FNDC7: variants seen among roughly 807,000 people sequenced by gnomAD.
FNDC7 encodes fibronectin type III domain-containing protein 7.
Under a neutral mutation model 74.2 loss-of-function variants are expected in FNDC7, and 66 were observed. That is an observed-to-expected ratio of 0.89 (90% CI 0.73 to 1.09). The LOEUF (loss-of-function observed/expected upper bound fraction) is 1.09, where lower values mean the gene tolerates loss of function less well. FNDC7 is among the 50% of genes least tolerant of loss of function. The probability of loss-of-function intolerance (pLI) is 0.00; values close to 1 mark genes in which losing one functional copy is unlikely to be tolerated. For missense variants in FNDC7, 829 were observed against 893.4 expected, an observed-to-expected ratio of 0.93 and a Z score of 0.92; for synonymous variants, 307 against 330.2, an observed-to-expected ratio of 0.93 and a Z score of 0.76.
At chr1:108,732,600 A>G (rs1442496872) in intron 9 of FNDC7, among the ~76,000 whole-genome samples, 6 of 152,182 alleles carry the variant, frequency 3.9e-5, no homozygotes, top group African/African-American at 1.2e-4. Context: ...AATCATGTAC[A>G]ATATGTATCT....
Position 108,717,994 on chromosome 1 carries a change from G to GA in FNDC7, c.301dup (p.Arg101LysfsTer92). On this transcript the variant is annotated frameshift_variant, in exon 3 of 13. Coordinates refer to ENST00000370017, the MANE Select transcript of FNDC7 (RefSeq NM_001144937.3). LOFTEE classifies it high-confidence loss of function. ...CCATCAGATCCATCAGCGCTGCTGG[G>GA]AGAAGCCAGGCGTCACCTCCAAAGC... 6.4e-7 allele frequency: 1 copy of GA among 1,551,742 alleles called. No individual in the cohort carries two copies. The highest frequency in any genetic ancestry group is 8.7e-7 in the Non-Finnish European group (1 of 1,147,012).
chr1:108,733,539 C>G lies in FNDC7; in HGVS notation c.2140+7C>G, dbSNP rs768153661. The G allele has an allele frequency of 6.2e-7, 1 of 1,609,106 alleles. No homozygotes were observed. The highest frequency in any genetic ancestry group is 1.3e-5 in the African/African-American group (1 of 74,830). On this transcript the variant is annotated splice_region_variant and intron_variant, in intron 10 of 12. Transcript: ENST00000370017. ...CCAAAAAAAATATATTCAGGTAAAG[C>G]AAGTTATGACAGTTTATCTAAAACT...
At chr1:108,714,842 C>T (rs2101075302) in intron 2 of FNDC7, among the ~76,000 whole-genome samples, 1 of 152,112 alleles carries the variant, frequency 6.6e-6, no homozygotes, top group African/African-American at 2.4e-5. Context: ...ATCCGCCCGC[C>T]TCGGCCTCCC....
At chr1:108,737,435 C>A in intron 10 of FNDC7, 60 bp from the exon 11 acceptor site, 2 of 1,397,942 alleles carry the variant, frequency 1.4e-6, no homozygotes, top group South Asian at 2.6e-5. Context: ...GTTAAATCTT[C>A]ACTATCTTAA....
intron 2 of FNDC7, among the ~76,000 whole-genome samples, chr1:108,715,669 G>GCACACACA (rs113717600): frequency 7.4e-6 from 1 of 135,852 alleles, no homozygotes; most frequent in African/African-American, 2.6e-5. Context: ...GCGTGCGCGC[G>GCACACACA]CGCACACACA....
intron 6 of FNDC7, among the ~76,000 whole-genome samples, 196 bp from the exon 7 acceptor site, chr1:108,727,612 A>G (rs576943769): frequency 1.3e-4 from 20 of 152,112 alleles, no homozygotes; most frequent in Admixed American, 1.2e-3. Context: ...ATGACCTTCA[A>G]TGTCATGCTG....
At chr1:108,734,461 C>G (rs1661463152) in intron 10 of FNDC7, 1 of 151,996 alleles carries the variant, frequency 6.6e-6, no homozygotes, top group African/African-American at 2.4e-5. Flanking sequence ...TCATGTATTC[C>G]TAGAAGAAAA....
chr1:108,730,568 T>C (rs1557791523), intron 8 of FNDC7, 106 bp from the exon 9 acceptor site: 2 of 1,265,636 alleles, frequency 1.6e-6, no homozygotes, highest in East Asian at 2.4e-5. Context: ...TTGGGGAATG[T>C]AGGATATTGA....
At chr1:108,736,140 A>G (rs1661509166) in intron 10 of FNDC7, among the ~76,000 whole-genome samples, 1 of 152,122 alleles carries the variant, frequency 6.6e-6, no homozygotes, top group East Asian at 1.9e-4. Context: ...ATTCCACAAC[A>G]TCCGTCCTGA....
rs1660986159 is a variant in FNDC7 at position 108,716,872 on chromosome 1, C to T, written c.83-905C>T. On this transcript the variant is annotated intron_variant, in intron 2 of 12. Transcript: ENST00000370017. ...AACCTGAAAGTCCAAGTGCCAGTTT[C>T]AAATAAAACTCAGCTATTTTTGTTT... Among the ~76,000 whole-genome samples the T allele has an allele frequency of 2.0e-5, 3 of 152,236 alleles. No homozygotes were observed. In the South Asian group the frequency reaches 6.2e-4, roughly 32 times the overall value.
intron 4 of FNDC7, among the ~76,000 whole-genome samples, chr1:108,721,401 G>A (rs574318621): frequency 1.3e-5 from 2 of 152,244 alleles, no homozygotes; most frequent in South Asian, 2.1e-4. Flanking sequence ...CCCCGGAGGC[G>A]GAGTTTGCAG....
rs1432045727 is a variant in FNDC7 at position 108,718,999 on chromosome 1, G to A, written c.548G>A (p.Trp183Ter). The stretch of plus-strand genomic sequence containing the variant: ...CTCTACACCATAAAGGCCTATGCAT[G>A]GAATGCCAACAGAATCCCTGGGGAT... ...GTLYTIKAYA[W>*]NANRIPGDDS... Residue 183 changes from tryptophan to a stop codon, truncating the protein, a stop_gained, in exon 4 of 13, where the codon TGG becomes TAG. Transcript: ENST00000370017. LOFTEE classifies it high-confidence loss of function. The A allele has an allele frequency of 1.9e-6, 3 of 1,552,030 alleles. No homozygotes were observed. The highest frequency in any genetic ancestry group is 1.4e-5 in the African/African-American group (1 of 73,034).
chr1:108,737,444 A>T, intron 10 of FNDC7, 51 bp from the exon 11 acceptor site: 1 of 1,462,762 alleles, frequency 6.8e-7, no homozygotes. Flanking sequence ...TCACTATCTT[A>T]AATACATAAA....
intron 5 of FNDC7, among the ~76,000 whole-genome samples, chr1:108,725,122 T>A (rs889977724): frequency 4.6e-5 from 7 of 152,010 alleles, no homozygotes; most frequent in African/African-American, 1.7e-4. Context: ...TTTAAAAAAA[T>A]AGTTTTTTTA....
intron 11 of FNDC7, among the ~76,000 whole-genome samples, chr1:108,740,489 G>A (rs1661619004): frequency 6.6e-6 from 1 of 152,004 alleles, no homozygotes; most frequent in African/African-American, 2.4e-5. Flanking sequence ...CACCACACTT[G>A]GCTAATTTTT....
Position 108,733,526 on chromosome 1 carries a change from T to C in FNDC7, c.2134T>C (p.Tyr712His), listed in dbSNP as rs1409616200. 3 of 1,612,054 alleles carry C rather than the reference T, an allele frequency of 1.9e-6. No individual in the cohort carries two copies. The highest frequency in any genetic ancestry group is 3.3e-4 in the Middle Eastern group (2 of 6,080). ...GCTTACTTTCTGTCCAAAAAAAATA[T>C]ATTCAGGTAAAGCAAGTTATGACAG... ...LKLTFCPKKI[Y>H]SVTCSGSTLG... Residue 712 changes from tyrosine to histidine, a missense_variant, in exon 10 of 13, where the codon TAT becomes CAT. Transcript: ENST00000370017.
Position 108,733,649 on chromosome 1 carries a change from CTTTT to C in FNDC7, c.2140+135_2140+138del, listed in dbSNP as rs397981150. 3.7e-3 allele frequency: 2,267 copies of C among 610,446 alleles called. 7 individuals carry two copies. Among genetic ancestry groups the C allele is most frequent in the East Asian group, 5.1e-3 (123 of 23,912 alleles). The allele number at this position is 610,446 out of a possible 1,614,324, so 37.8% of individuals were successfully genotyped here. Reference sequence around the variant, plus strand: ...GGCACAGAGGGTATAAAATTTCTTTCTTTTTTTTTTTTTTTTTTTTTGAGACAGT... The same window carrying C: ...GGCACAGAGGGTATAAAATTTCTTTCTTTTTTTTTTTTTTTTTGAGACAGT... On this transcript the variant is annotated intron_variant, in intron 10 of 12. Transcript: ENST00000370017.
chr1:108,725,825 A>C lies in FNDC7; in HGVS notation c.932A>C (p.Asp311Ala). ...CTGTCTGTGGCTTGGTCCAGTGTAG[A>C]TCTGGGTGACTACTATGTGGTCTTT... ...GHLSVAWSSV[D>A]LGDYYVVFVK... Residue 311 changes from aspartate to alanine, a missense_variant, in exon 6 of 13, where the codon GAT becomes GCT. Coordinates refer to ENST00000370017, the MANE Select transcript of FNDC7 (RefSeq NM_001144937.3). 1.2e-6 allele frequency: 2 copies of C among 1,614,120 alleles called. No homozygotes were observed. Among genetic ancestry groups the C allele is most frequent in the Non-Finnish European group, 1.7e-6 (2 of 1,179,980 alleles).
rs1661441125 is a variant in FNDC7, at chr1:108,733,456, T to G, written c.2064T>G (p.Asp688Glu). The change falls in exon 10 of 13, where the codon GAT (aspartate) becomes GAG (glutamate). Residue 688 changes from aspartate (D) to glutamate (E), a missense_variant. Asp to Glu is a conservative substitution (Grantham distance 45). Transcript: ENST00000370017. The part of the protein sequence containing the change: ...FCDVTEIPCG[D>E]VYTVMVSPVA... ...ATGTCACTGAGATACCCTGTGGGGA[T>G]GTATACACTGTGATGGTCTCACCAG... 2.5e-6 allele frequency: 4 copies of G among 1,614,170 alleles called. No individual in the cohort carries two copies. Among genetic ancestry groups the G allele is most frequent in the Non-Finnish European group, 2.5e-6 (3 of 1,180,036 alleles).
Sources: gnomAD v4.1 joint callset for allele counts (sites outside exome capture counted in the v4.1 genomes callset) on GRCh38, gnomAD v4.1.1 for gene constraint, MANE v1.5 for transcripts, NCBI Gene and HGNC (gene_info 2026-07-23, HGNC 2026-07-21) for gene names.